ZFPM2: variants seen among roughly 807,000 people sequenced by gnomAD.
ZFPM2 encodes the protein zinc finger protein ZFPM2.
A neutral mutation model predicts 98.6 loss-of-function variants in ZFPM2; 20 were observed. The observed-to-expected ratio is 0.20, with a 90% CI of 0.14 to 0.29. The LOEUF (loss-of-function observed/expected upper bound fraction) is 0.29. ZFPM2 is among the 10% of genes least tolerant of loss of function. The probability of loss-of-function intolerance (pLI) is 1.00; values close to 1 mark genes in which losing one functional copy is unlikely to be tolerated. For missense variants in ZFPM2, 1,310 were observed against 1,388.6 expected (o/e 0.94, Z 0.90); for synonymous variants, 518 against 502.7 (o/e 1.03, Z -0.41).
chr8:105,457,562 A>T (rs72671697), intron 3 of ZFPM2, among the ~76,000 whole-genome samples: 22 of 152,202 alleles, frequency 1.4e-4, no homozygotes, highest in Non-Finnish European at 2.6e-4. Flanking sequence ...GTGCAGTGTG[A>T]TGCTGGTGGT....
chr8:105,465,102 A>G (rs1473119647), intron 3 of ZFPM2, among the ~76,000 whole-genome samples: 1 of 151,960 alleles, frequency 6.6e-6, no homozygotes, highest in African/African-American at 2.4e-5. Flanking sequence ...CACTGAGTAT[A>G]CCAGAGTGAT....
At chr8:105,572,315 C>T (rs1188150825) in intron 4 of ZFPM2, among the ~76,000 whole-genome samples, 6 of 152,022 alleles carry the variant, frequency 3.9e-5, no homozygotes, top group South Asian at 4.2e-4. Context: ...GGATTACAGG[C>T]GTGAGCCACC....
At chr8:105,458,889 C>T (rs1446870262) in intron 3 of ZFPM2, among the ~76,000 whole-genome samples, 3 of 151,572 alleles carry the variant, frequency 2.0e-5, no homozygotes, top group African/African-American at 7.3e-5. Context: ...ATAAGGGGGA[C>T]ATCTGGTTCC....
chr8:105,536,677 G>C (rs1365365838), intron 3 of ZFPM2, among the ~76,000 whole-genome samples: 1 of 152,104 alleles, frequency 6.6e-6, no homozygotes, highest in Non-Finnish European at 1.5e-5. Context: ...GAATAAGATA[G>C]CCAGAAGATC....
chr8:105,403,983 T>C (rs993659356), intron 1 of ZFPM2, among the ~76,000 whole-genome samples: 19 of 143,398 alleles, frequency 1.3e-4, no homozygotes, highest in African/African-American at 3.9e-4. Flanking sequence ...TTGATGGTTA[T>C]TGGTGTTAAA....
Position 105,419,357 on chromosome 8 carries a change from G to GT in ZFPM2, c.199+59dup, listed in dbSNP as rs919017281. 1.7e-5 allele frequency: 27 copies of GT among 1,557,762 alleles called. No homozygotes were observed. The African/African-American group carries it at 4.0e-4, about 23-fold the overall frequency. Reference sequence around the variant, plus strand: ...GAGTCCACTTAAATGATTTTGTAATGTTTTAAAAAAATGCATAATAGTCCT... The same window carrying GT: ...GAGTCCACTTAAATGATTTTGTAATGTTTTTAAAAAAATGCATAATAGTCCT... On this transcript the variant is annotated intron_variant, in intron 2 of 7. Coordinates refer to ENST00000407775, the MANE Select transcript of ZFPM2 (RefSeq NM_012082.4).
chr8:105,398,412 C>T (rs1377523433), intron 1 of ZFPM2, among the ~76,000 whole-genome samples: 1 of 152,154 alleles, frequency 6.6e-6, no homozygotes, highest in Non-Finnish European at 1.5e-5. Flanking sequence ...TTAGAACAAA[C>T]ATTGTGATGG....
chr8:105,537,421 A>G (rs1206239264), intron 3 of ZFPM2, among the ~76,000 whole-genome samples: 1 of 152,212 alleles, frequency 6.6e-6, no homozygotes, highest in Non-Finnish European at 1.5e-5. Flanking sequence ...TATGTCTGTA[A>G]TCCCAGGGAC....
chr8:105,413,091 A>G (rs1811609643), intron 1 of ZFPM2, among the ~76,000 whole-genome samples: 1 of 151,894 alleles, frequency 6.6e-6, no homozygotes, highest in African/African-American at 2.4e-5. Context: ...CTAATTGAAC[A>G]AACAGGATAT....
Position 105,802,005 on chromosome 8 carries a change from C to T in ZFPM2, c.1923C>T (p.Gly641=), listed in dbSNP as rs758726542. 1 of 1,613,662 alleles carries T rather than the reference C, an allele frequency of 6.2e-7. No homozygotes were observed. The highest frequency in any genetic ancestry group is 8.5e-7 in the Non-Finnish European group (1 of 1,179,864). Residue 641 remains glycine (G), a synonymous_variant, in exon 8 of 8, where the codon GGC becomes GGT. Coordinates refer to ENST00000407775, the MANE Select transcript of ZFPM2 (RefSeq NM_012082.4). Reference sequence around the variant, plus strand: ...ATTTAATTGGGCCAAATGGGAAGGGCCATGACAAGGACTTTTCCACTCAAA... The same window carrying T: ...ATTTAATTGGGCCAAATGGGAAGGGTCATGACAAGGACTTTTCCACTCAAA... The part of the protein sequence containing the change: ...VLDLIGPNGK[G]HDKDFSTQTK...
chr8:105,731,413 C>A (rs533313489), intron 5 of ZFPM2, among the ~76,000 whole-genome samples: 35 of 151,564 alleles, frequency 2.3e-4, no homozygotes, highest in Non-Finnish European at 4.9e-4. Flanking sequence ...GCTATAATAT[C>A]TGTGCTATTT....
intron 1 of ZFPM2, among the ~76,000 whole-genome samples, chr8:105,370,247 C>G (rs571694473): frequency 6.6e-6 from 1 of 152,258 alleles, no homozygotes; most frequent in African/African-American, 2.4e-5. Context: ...CAAAAGATAG[C>G]ATACGTAAAT....
chr8:105,758,146 A>G (rs1408120084), intron 5 of ZFPM2, among the ~76,000 whole-genome samples: 1 of 152,128 alleles, frequency 6.6e-6, no homozygotes, highest in Admixed American at 6.6e-5. Flanking sequence ...GTTTTCAACA[A>G]ACTTTCCTAA....
chr8:105,355,947 A>G (rs559016261), intron 1 of ZFPM2, among the ~76,000 whole-genome samples: 1 of 152,354 alleles, frequency 6.6e-6, no homozygotes, highest in Non-Finnish European at 1.5e-5. Flanking sequence ...TACTGAAAGT[A>G]TAATACTGGG....
chr8:105,584,352 T>C (rs1158698145), intron 4 of ZFPM2, among the ~76,000 whole-genome samples: 1 of 152,156 alleles, frequency 6.6e-6, no homozygotes, highest in Non-Finnish European at 1.5e-5. Flanking sequence ...ATCCTATGTA[T>C]TCTAACAGCA....
intron 2 of ZFPM2, among the ~76,000 whole-genome samples, chr8:105,426,546 A>G (rs1811915935): frequency 6.6e-6 from 1 of 152,086 alleles, no homozygotes; most frequent in African/African-American, 2.4e-5. Context: ...TGGATTCAGT[A>G]CTTCTTCTTT....
At chr8:105,391,553 TCACA>T (rs1811109521) in intron 1 of ZFPM2, among the ~76,000 whole-genome samples, 1 of 152,258 alleles carries the variant, frequency 6.6e-6, no homozygotes, top group Non-Finnish European at 1.5e-5. Flanking sequence ...GAGTCAATCC[TCACA>T]CACCCTACTT....
chr8:105,354,932 C>T (rs553104954), intron 1 of ZFPM2, among the ~76,000 whole-genome samples: 2 of 151,646 alleles, frequency 1.3e-5, no homozygotes, highest in East Asian at 1.9e-4. Flanking sequence ...CCAGCCTGGG[C>T]GACAGAGCAA....
chr8:105,794,016 G>T (rs936004736), intron 6 of ZFPM2, among the ~76,000 whole-genome samples: 1 of 152,016 alleles, frequency 6.6e-6, no homozygotes, highest in Non-Finnish European at 1.5e-5. Context: ...TTTGCCTTTG[G>T]TTTTAATTTC....
Sources: allele counts gnomAD v4.1 joint callset (sites outside exome capture counted in the v4.1 genomes callset), GRCh38; gene constraint gnomAD v4.1.1; transcripts MANE v1.5; gene names NCBI Gene and HGNC (gene_info 2026-07-23, HGNC 2026-07-21).